Variants in PLEKHM3 observed in about 807,000 individuals in gnomAD.
The protein encoded by PLEKHM3 is pleckstrin homology domain-containing family M member 3.
A neutral mutation model predicts 81.8 loss-of-function variants in PLEKHM3; 45 were observed. That is an observed-to-expected ratio of 0.55 (90% CI 0.43 to 0.71). The LOEUF is 0.71. PLEKHM3 is among the 30% of genes least tolerant of loss of function. The pLI is 0.00. For synonymous variants in PLEKHM3, 352 were observed against 356.4 expected (o/e 0.99, Z 0.14); for missense variants, 788 against 924.3 (o/e 0.85, Z 1.91).
chr2:208,011,064 C>CAAAAAAAAAAAAAAAAAAAAAAA (rs10587149), intron 1 of PLEKHM3, among the ~76,000 whole-genome samples: 1 of 65,056 alleles, frequency 1.5e-5, no homozygotes, highest in African/African-American at 3.9e-5. Flanking sequence ...TGGCCATAAT[C>CAAAAAAAAAAAAAAAAAAAAAAA]AAAAAAAAAA....
chr2:208,018,356 A>C (rs1203119385), intron 1 of PLEKHM3, among the ~76,000 whole-genome samples: 1 of 145,644 alleles, frequency 6.9e-6, no homozygotes, highest in Non-Finnish European at 1.5e-5. Context: ...CTGGCAACAG[A>C]GCAAGACTCT....
chr2:208,021,026 T>A (rs972785219), intron 1 of PLEKHM3, among the ~76,000 whole-genome samples: 1 of 152,246 alleles, frequency 6.6e-6, no homozygotes, highest in African/African-American at 2.4e-5. Context: ...TTAGCACCTG[T>A]CTATCTGCCT....
chr2:207,909,166 A>C (rs1274998807), intron 5 of PLEKHM3, among the ~76,000 whole-genome samples: 5 of 152,220 alleles, frequency 3.3e-5, no homozygotes, highest in Admixed American at 2.0e-4. Flanking sequence ...CCTCTGTACA[A>C]ATGAGAATAA....
chr2:208,008,953 G>A (rs1283053362), intron 1 of PLEKHM3, among the ~76,000 whole-genome samples: 1 of 152,092 alleles, frequency 6.6e-6, no homozygotes, highest in East Asian at 1.9e-4. Flanking sequence ...TTGACTTCTG[G>A]TCCTATGTTC....
intron 1 of PLEKHM3, among the ~76,000 whole-genome samples, chr2:208,007,713 T>C (rs1160449091): frequency 7.2e-6 from 1 of 139,698 alleles, no homozygotes; most frequent in Non-Finnish European, 1.6e-5. Context: ...AGGCCAGGAG[T>C]TCAAGACCAG....
At chr2:207,964,177 A>C (rs1046549588) in intron 3 of PLEKHM3, among the ~76,000 whole-genome samples, 1 of 151,658 alleles carries the variant, frequency 6.6e-6, no homozygotes, top group Non-Finnish European at 1.5e-5. Flanking sequence ...ACGCCACTGC[A>C]CTCCAGCCTG....
At chr2:207,828,732 G>C (rs1485747367) in intron 7 of PLEKHM3, among the ~76,000 whole-genome samples, 1 of 152,198 alleles carries the variant, frequency 6.6e-6, no homozygotes, top group Non-Finnish European at 1.5e-5. Flanking sequence ...TTATGAGTGG[G>C]GGGGAGTCCG....
At chr2:207,945,951 A>T (rs1690112334) in intron 4 of PLEKHM3, among the ~76,000 whole-genome samples, 1 of 152,010 alleles carries the variant, frequency 6.6e-6, no homozygotes, top group South Asian at 2.1e-4. Context: ...ACAAAACAAC[A>T]AAACAAACAA....
intron 3 of PLEKHM3, among the ~76,000 whole-genome samples, chr2:207,968,170 C>T (rs933505475): frequency 2.0e-5 from 3 of 152,054 alleles, no homozygotes; most frequent in Non-Finnish European, 2.9e-5. Context: ...TGACCTACTT[C>T]TCTAGTATTC....
chr2:207,865,405 C>T (rs2092490010), intron 6 of PLEKHM3, among the ~76,000 whole-genome samples: 1 of 151,962 alleles, frequency 6.6e-6, no homozygotes, highest in Non-Finnish European at 1.5e-5. Flanking sequence ...TTCCACTAAC[C>T]CTCTGAAAAA....
chr2:207,853,263 C>T (rs2092421945), intron 7 of PLEKHM3, among the ~76,000 whole-genome samples: 1 of 151,826 alleles, frequency 6.6e-6, no homozygotes, highest in African/African-American at 2.4e-5. Context: ...ACTAAAAATA[C>T]AAAATTAGCC....
At chr2:207,841,448 C>CAAA (rs1206603074) in intron 7 of PLEKHM3, among the ~76,000 whole-genome samples, 12 of 21,482 alleles carry the variant, frequency 5.6e-4, no homozygotes, top group Admixed American at 1.8e-3. Context: ...GACTCCATCT[C>CAAA]AAAAAAAAAA....
rs28402315 is a variant in PLEKHM3 at position 207,845,751 on chromosome 2, T to C, written c.2108+15354A>G. The stretch of plus-strand genomic sequence containing the variant: ...AAATTACAGAATAAAGCAAACTCTC[T>C]ATTCATTCATGAATTATTTATGGAG... On this transcript the variant is annotated intron_variant, in intron 7 of 7. Coordinates refer to ENST00000427836, the MANE Select transcript of PLEKHM3 (RefSeq NM_001080475.3). Among the ~76,000 whole-genome samples the C allele has an allele frequency of 2.6e-3, 393 of 152,380 alleles. 3 individuals carry two copies. Among genetic ancestry groups the C allele is most frequent in the African/African-American group, 8.7e-3 (361 of 41,590 alleles).
intron 7 of PLEKHM3, among the ~76,000 whole-genome samples, chr2:207,854,262 A>G (rs2092427359): frequency 6.6e-6 from 1 of 152,190 alleles, no homozygotes; most frequent in Admixed American, 6.5e-5. Flanking sequence ...TATTTCAAAC[A>G]TATGCAAAAG....
chr2:207,925,132 G>GTTTTTT (rs202065426), intron 5 of PLEKHM3, among the ~76,000 whole-genome samples: 1 of 138,520 alleles, frequency 7.2e-6, no homozygotes. Flanking sequence ...GAACAGGGTT[G>GTTTTTT]TTTTTTTGTT....
chr2:207,958,149 G>A (rs945523796), intron 3 of PLEKHM3, among the ~76,000 whole-genome samples: 1 of 152,136 alleles, frequency 6.6e-6, no homozygotes. Flanking sequence ...CATCTATTAC[G>A]GGAAGGAGGA....
chr2:207,852,193 T>G (rs1032136059), intron 7 of PLEKHM3, among the ~76,000 whole-genome samples: 2 of 152,182 alleles, frequency 1.3e-5, no homozygotes, highest in Admixed American at 6.5e-5. Context: ...GAAGTAGCAG[T>G]AAGATATAAT....
intron 2 of PLEKHM3, among the ~76,000 whole-genome samples, chr2:207,984,309 G>A (rs530156467): frequency 5.3e-5 from 8 of 152,130 alleles, no homozygotes; most frequent in Admixed American, 3.9e-4. Context: ...AAATATATAC[G>A]ATACTTTTTT....
In PLEKHM3 at chr2:207,997,074, G is replaced by A. The variant is rs547584106; in HGVS notation, c.610+3956C>T. ...AAACCTGCCTTATATTACACAACTA[G>A]TAAGTACTAGAGCAAAGTTGGAAAC... On this transcript the variant is annotated intron_variant, in intron 2 of 7. Coordinates refer to ENST00000427836, the MANE Select transcript of PLEKHM3 (RefSeq NM_001080475.3). Among the ~76,000 whole-genome samples the A allele has an allele frequency of 8.6e-4, 130 of 152,002 alleles. 1 individual carries two copies. The South Asian group carries it at 0.015, about 17-fold the overall frequency.
Sources: gnomAD v4.1 joint callset for allele counts (sites outside exome capture counted in the v4.1 genomes callset) on GRCh38, gnomAD v4.1.1 for gene constraint, MANE v1.5 for transcripts, NCBI Gene and HGNC (gene_info 2026-07-23, HGNC 2026-07-21) for gene names.